Variants in MTUS2 observed in about 807,000 individuals in gnomAD.
The protein encoded by MTUS2 is microtubule-associated tumor suppressor candidate 2.
A neutral mutation model predicts 114.1 loss-of-function variants in MTUS2; 40 were observed. That is an observed-to-expected ratio of 0.35 (90% CI 0.27 to 0.46). The LOEUF is 0.46. Among genes scored for constraint, MTUS2 ranks in the 20% least tolerant of loss-of-function variants. MTUS2 has a pLI of 1.00. For synonymous variants in MTUS2, 688 were observed against 672.0 expected (o/e 1.02, Z -0.37); for missense variants, 1,679 against 1,705.4 (o/e 0.98, Z 0.27).
intron 5 of MTUS2, among the ~76,000 whole-genome samples, chr13:29,113,904 G>T (rs1890979187): frequency 6.6e-6 from 1 of 152,096 alleles, no homozygotes; most frequent in Non-Finnish European, 1.5e-5. Context: ...GATAATGGGG[G>T]CGGTTTTCTT....
At chr13:29,408,341 G>A (rs907925029) in intron 8 of MTUS2, among the ~76,000 whole-genome samples, 5 of 152,032 alleles carry the variant, frequency 3.3e-5, no homozygotes, top group African/African-American at 1.2e-4. Flanking sequence ...TTTGACACAG[G>A]GTCTTGCTGA....
At position 29,359,259 on chromosome 13, in the gene MTUS2, C is replaced by A. The variant is rs2138226289; in HGVS notation, c.2906-3C>A. ...GACCGGGGTTTGGTTTTCTTTCTCA[C>A]AGGATACCCAAAGCAGAGGACTGCG... is the stretch of plus-strand genomic sequence containing the variant. On this transcript the variant is annotated splice_polypyrimidine_tract_variant and splice_region_variant and intron_variant, in intron 7 of 15. Transcript: ENST00000612955. 6.3e-7 allele frequency: 1 copy of A among 1,591,896 alleles called. No homozygotes were observed.
At chr13:28,911,456 G>C (rs1036745163) in intron 2 of MTUS2, among the ~76,000 whole-genome samples, 2 of 152,062 alleles carry the variant, frequency 1.3e-5, no homozygotes, top group African/African-American at 4.8e-5. Context: ...TTACAGGCGT[G>C]AGCCACCTTG....
At chr13:29,147,098 C>A (rs1593527464) in intron 5 of MTUS2, among the ~76,000 whole-genome samples, 1 of 152,112 alleles carries the variant, frequency 6.6e-6, no homozygotes, top group Non-Finnish European at 1.5e-5. Flanking sequence ...TAAGTCATGT[C>A]AAAGCCAAAT....
chr13:28,917,605 GTC>G (rs1170281501), intron 2 of MTUS2, among the ~76,000 whole-genome samples: 2 of 150,868 alleles, frequency 1.3e-5, no homozygotes, highest in Non-Finnish European at 3.0e-5. Flanking sequence ...TGTTCGGGTA[GTC>G]TCTCTGTTTT....
At chr13:29,288,261 T>C (rs535428990) in intron 6 of MTUS2, among the ~76,000 whole-genome samples, 1 of 152,288 alleles carries the variant, frequency 6.6e-6, no homozygotes, top group Admixed American at 6.5e-5. Context: ...TGAGTTTGCT[T>C]GGGAGGACAT....
At chr13:29,156,691 T>C (rs1481307662) in intron 5 of MTUS2, among the ~76,000 whole-genome samples, 1 of 152,188 alleles carries the variant, frequency 6.6e-6, no homozygotes, top group African/African-American at 2.4e-5. Context: ...TCTCATTAAC[T>C]CCAAAGGACT....
chr13:29,182,204 C>G (rs1375690205), intron 5 of MTUS2, among the ~76,000 whole-genome samples: 3 of 152,324 alleles, frequency 2.0e-5, no homozygotes, highest in South Asian at 4.1e-4. Flanking sequence ...ATCCTTGATT[C>G]TCTCTCTTTC....
chr13:29,047,795 C>T (rs1352417155), intron 4 of MTUS2, among the ~76,000 whole-genome samples: 2 of 152,174 alleles, frequency 1.3e-5, no homozygotes, highest in Admixed American at 1.3e-4. Context: ...CAGGCGTGAG[C>T]CACCACGCCT....
chr13:28,881,945 G>A (rs1878315034), intron 2 of MTUS2, among the ~76,000 whole-genome samples: 1 of 152,176 alleles, frequency 6.6e-6, no homozygotes, highest in African/African-American at 2.4e-5. Flanking sequence ...AAGGTATCAA[G>A]GTATTGCAAT....
At chr13:29,163,730 C>T (rs1405606522) in intron 5 of MTUS2, among the ~76,000 whole-genome samples, 1 of 152,140 alleles carries the variant, frequency 6.6e-6, no homozygotes, top group African/African-American at 2.4e-5. Flanking sequence ...CACTCCTGAG[C>T]GAGCGCATGT....
intron 5 of MTUS2, among the ~76,000 whole-genome samples, chr13:29,105,930 A>G (rs1442292667): frequency 6.6e-6 from 1 of 152,040 alleles, no homozygotes; most frequent in Non-Finnish European, 1.5e-5. Context: ...GCATTCAGAA[A>G]ACTTCCTGAA....
At chr13:29,177,875 C>T (rs1196473570) in intron 5 of MTUS2, among the ~76,000 whole-genome samples, 11 of 152,096 alleles carry the variant, frequency 7.2e-5, no homozygotes, top group Non-Finnish European at 1.5e-5. Flanking sequence ...TCAAGGAAAC[C>T]CACCACTGTT....
At chr13:29,307,195 T>TA in intron 6 of MTUS2, 1 of 536,278 alleles carries the variant, frequency 1.9e-6, no homozygotes, top group South Asian at 1.7e-5. Flanking sequence ...CCATGAGAAT[T>TA]ATGACAGCAG....
intron 4 of MTUS2, among the ~76,000 whole-genome samples, chr13:29,064,744 C>T (rs1451343538): frequency 2.0e-5 from 3 of 152,070 alleles, no homozygotes; most frequent in Non-Finnish European, 4.4e-5. Context: ...AAGCCTAATA[C>T]CCTACCCAAT....
intron 6 of MTUS2, among the ~76,000 whole-genome samples, chr13:29,303,905 C>T (rs1010994976): frequency 2.6e-5 from 4 of 152,114 alleles, no homozygotes; most frequent in Non-Finnish European, 5.9e-5. Context: ...AGGTCACCTA[C>T]AAAGGGAAAC....
At chr13:29,391,161 C>T (rs1342143943) in intron 8 of MTUS2, among the ~76,000 whole-genome samples, 1 of 152,074 alleles carries the variant, frequency 6.6e-6, no homozygotes, top group African/African-American at 2.4e-5. Context: ...GTGATCCTGG[C>T]TCACTGCAAC....
intron 15 of MTUS2, among the ~76,000 whole-genome samples, chr13:29,502,013 TTC>T (rs1356120153): frequency 4.6e-5 from 7 of 152,204 alleles, no homozygotes; most frequent in Admixed American, 2.6e-4. Flanking sequence ...CACATGTACA[TTC>T]TCTCACATAC....
chr13:28,917,943 A>G (rs1254370677), intron 2 of MTUS2, among the ~76,000 whole-genome samples: 1 of 151,652 alleles, frequency 6.6e-6, no homozygotes, highest in African/African-American at 2.4e-5. Flanking sequence ...TGTCAAGAAA[A>G]TTTTCAGTTT....
Sources: gnomAD v4.1 joint callset for allele counts (sites outside exome capture counted in the v4.1 genomes callset) on GRCh38, gnomAD v4.1.1 for gene constraint, MANE v1.5 for transcripts, NCBI Gene and HGNC (gene_info 2026-07-23, HGNC 2026-07-21) for gene names.